ADAMTSL1: variants seen among roughly 807,000 people sequenced by gnomAD.
ADAMTSL1 encodes the protein ADAMTS like 1.
A neutral mutation model predicts 201.8 loss-of-function variants in ADAMTSL1; 126 were observed. The ratio of observed to expected loss-of-function variants is 0.62; its 90% confidence interval spans 0.54 to 0.72. The LOEUF (loss-of-function observed/expected upper bound fraction) is 0.72. Among genes scored for constraint, ADAMTSL1 ranks in the 30% least tolerant of loss-of-function variants. ADAMTSL1 has a pLI of 0.00. For missense variants in ADAMTSL1, 2,679 were observed against 2,277.8 expected (o/e 1.18, Z -3.59); for synonymous variants, 1,121 against 903.4 (o/e 1.24, Z -4.32).
intron 23 of ADAMTSL1, among the ~76,000 whole-genome samples, chr9:18,843,936 G>A (rs6475259): frequency 6.6e-6 from 1 of 151,894 alleles, no homozygotes; most frequent in African/African-American, 2.4e-5. Context: ...ATACATTCGT[G>A]TAAATTTTTT....
chr9:18,144,215 CTT>C (rs1179707335), intron 1 of ADAMTSL1, among the ~76,000 whole-genome samples: 9 of 151,162 alleles, frequency 6.0e-5, no homozygotes, highest in Non-Finnish European at 1.3e-4. Flanking sequence ...TTCTTTCTTT[CTT>C]TCTTTTTTTG....
chr9:18,023,147 T>C (rs1330088905), intron 1 of ADAMTSL1, among the ~76,000 whole-genome samples: 1 of 152,040 alleles, frequency 6.6e-6, no homozygotes. Flanking sequence ...TTACTATATA[T>C]ATGTATATGT....
At chr9:18,356,873 C>G (rs1237114955) in intron 2 of ADAMTSL1, among the ~76,000 whole-genome samples, 2 of 152,142 alleles carry the variant, frequency 1.3e-5, no homozygotes, top group African/African-American at 4.8e-5. Context: ...TTTCACATAC[C>G]ACACACATGT....
chr9:18,183,108 G>A (rs190124954), intron 2 of ADAMTSL1, among the ~76,000 whole-genome samples: 1 of 152,290 alleles, frequency 6.6e-6, no homozygotes, highest in Admixed American at 6.5e-5. Flanking sequence ...CTTTGATAAA[G>A]GAGCAAACGC....
At chr9:18,193,318 A>G (rs2132240252) in intron 2 of ADAMTSL1, among the ~76,000 whole-genome samples, 1 of 152,306 alleles carries the variant, frequency 6.6e-6, no homozygotes, top group South Asian at 2.1e-4. Context: ...GAAGAATCAT[A>G]TAGAAATTAT....
intron 2 of ADAMTSL1, among the ~76,000 whole-genome samples, chr9:18,175,162 A>G (rs1046942863): frequency 1.3e-5 from 2 of 152,152 alleles, no homozygotes; most frequent in African/African-American, 4.8e-5. Flanking sequence ...TGGCTGTGAG[A>G]CTTTAGGCAA....
intron 1 of ADAMTSL1, among the ~76,000 whole-genome samples, chr9:18,129,821 C>T (rs972724103): frequency 1.3e-5 from 2 of 152,140 alleles, no homozygotes; most frequent in African/African-American, 2.4e-5. Context: ...GTGTCTTGCA[C>T]GGCCAACAAG....
intron 2 of ADAMTSL1, among the ~76,000 whole-genome samples, chr9:18,350,013 T>C (rs984509549): frequency 2.0e-5 from 3 of 151,964 alleles, no homozygotes; most frequent in Non-Finnish European, 4.4e-5. Context: ...AATGTGTTGT[T>C]GGCCTGCAGT....
At chr9:18,517,818 T>G (rs1193621622) in intron 2 of ADAMTSL1, among the ~76,000 whole-genome samples, 8 of 152,220 alleles carry the variant, frequency 5.3e-5, no homozygotes. Context: ...ACATTTGGGT[T>G]GGTTCCAAGT....
intron 1 of ADAMTSL1, among the ~76,000 whole-genome samples, chr9:17,988,773 T>A (rs940440211): frequency 3.9e-5 from 6 of 151,980 alleles, no homozygotes; most frequent in African/African-American, 1.4e-4. Flanking sequence ...ACAATATACA[T>A]AGTGAACGTG....
chr9:18,059,749 A>G (rs1309148395), intron 1 of ADAMTSL1, among the ~76,000 whole-genome samples: 1 of 152,142 alleles, frequency 6.6e-6, no homozygotes, highest in Admixed American at 6.6e-5. Context: ...TTTTTAAGCT[A>G]TAAAAGTGGA....
chr9:18,068,136 A>C (rs772227116), intron 1 of ADAMTSL1, among the ~76,000 whole-genome samples: 3 of 152,062 alleles, frequency 2.0e-5, no homozygotes, highest in Non-Finnish European at 2.9e-5. Context: ...CTTCCTGTGA[A>C]TCAGTAAAGG....
In ADAMTSL1 at chr9:18,067,919, G is replaced by C. The variant is rs953882685; in HGVS notation, c.88-95943G>C. ...AGCTCTCCTGAGATTCAAACAGGAG[G>C]GGGTGGGCTGACAGTGAGCACAGAG... On this transcript the variant is annotated intron_variant, in intron 1 of 29. Coordinates refer to the ADAMTSL1 transcript ENST00000680146. 4.6e-5 allele frequency among the ~76,000 whole-genome samples: 7 copies of C among 152,296 alleles called. No homozygotes were observed. In the East Asian group the frequency reaches 7.7e-4, roughly 17 times the overall value.
intron 25 of ADAMTSL1, chr9:18,890,496 A>G (rs1314636812): frequency 6.6e-6 from 3 of 455,854 alleles, no homozygotes; most frequent in East Asian, 1.4e-4. Context: ...ATGCCCCTTT[A>G]CTACCTATCT....
At chr9:18,259,437 G>A (rs940225734) in intron 2 of ADAMTSL1, among the ~76,000 whole-genome samples, 3 of 151,838 alleles carry the variant, frequency 2.0e-5, no homozygotes, top group South Asian at 2.1e-4. Flanking sequence ...AGGTGAGCCC[G>A]GGAGGCAGAG....
chr9:18,886,151 T>C (rs1472916911), intron 23 of ADAMTSL1, among the ~76,000 whole-genome samples: 1 of 124,836 alleles, frequency 8.0e-6, no homozygotes, highest in African/African-American at 3.1e-5. Context: ...TATATATACA[T>C]GTGAGTGTGT....
rs1440483712 is a variant in ADAMTSL1 at position 18,310,399 on chromosome 9, A to AAAAAAC, written c.207+146418_207+146419insAAAAAC. On this transcript the variant is annotated intron_variant, in intron 2 of 29. Transcript: ENST00000680146. ...AAAAAAAAAAAAAAAAAAAAAAAAA[A>AAAAAAC]CTATCTTCAGAGTGAACAGGCAACC... Among the ~76,000 whole-genome samples, 321 of 127,384 alleles carry AAAAAAC rather than the reference A, an allele frequency of 2.5e-3. 13 individuals carry two copies. Among genetic ancestry groups the AAAAAAC allele is most frequent in the Non-Finnish European group, 4.6e-3 (267 of 58,268 alleles). The allele number at this position is 127,384 out of a possible 152,430, so 83.6% of individuals were successfully genotyped here. A position where few individuals can be genotyped will look rare whatever the true frequency, so the allele number is the denominator to read the frequency against.
At chr9:18,287,611 A>G (rs375079877) in intron 2 of ADAMTSL1, among the ~76,000 whole-genome samples, 1 of 65,230 alleles carries the variant, frequency 1.5e-5, no homozygotes, top group South Asian at 6.4e-4. Context: ...ATATGCATAT[A>G]TGTATGTGTA....
rs193286837 is a variant in ADAMTSL1, at chr9:18,287,592, T to C, written c.207+123611T>C. On this transcript the variant is annotated intron_variant, in intron 2 of 29. Transcript: ENST00000680146. Reference sequence around the variant, plus strand: ...ATATATGTAAATATATGTGTATATATACACACATATATGCATATATGTATG... The same window carrying C: ...ATATATGTAAATATATGTGTATATACACACACATATATGCATATATGTATG... Among the ~76,000 whole-genome samples, 471 of 94,348 alleles carry C rather than the reference T, an allele frequency of 5.0e-3. 3 individuals carry two copies. The highest frequency in any genetic ancestry group is 0.028 in the Admixed American group (201 of 7,100). The allele number at this position is 94,348 out of a possible 152,430, so 61.9% of individuals were successfully genotyped here.
Sources: gnomAD v4.1 joint callset for allele counts (sites outside exome capture counted in the v4.1 genomes callset) on GRCh38, gnomAD v4.1.1 for gene constraint, MANE v1.5 for transcripts, NCBI Gene and HGNC (gene_info 2026-07-23, HGNC 2026-07-21) for gene names.